The following PTPRD variants were observed in gnomAD, a reference collection of about 807,000 sequenced individuals.
PTPRD encodes the protein protein tyrosine phosphatase receptor type D.
In PTPRD, 34 loss-of-function variants were observed where a neutral mutation model predicts 214.5. The observed-to-expected ratio is 0.16, with a 90% CI of 0.12 to 0.21. The LOEUF (loss-of-function observed/expected upper bound fraction) is 0.21. Ranked by LOEUF, PTPRD falls within the 10% of genes least tolerant of loss-of-function variation. The probability of loss-of-function intolerance (pLI) is 1.00; values close to 1 mark genes in which losing one functional copy is unlikely to be tolerated. For synonymous variants in PTPRD, 1,128 were observed against 845.7 expected (o/e 1.33, Z -5.79); for missense variants, 2,545 against 2,398.7 (o/e 1.06, Z -1.27).
At chr9:10,128,519 G>C (rs916425814) in intron 3 of PTPRD, among the ~76,000 whole-genome samples, 1 of 152,138 alleles carries the variant, frequency 6.6e-6, no homozygotes, top group Non-Finnish European at 1.5e-5. Context: ...ATGGCCCTTA[G>C]AAGAAGCCAA....
intron 2 of PTPRD, among the ~76,000 whole-genome samples, chr9:10,355,392 A>G (rs2097257867): frequency 6.6e-6 from 1 of 152,006 alleles, no homozygotes; most frequent in South Asian, 2.1e-4. Context: ...AACATATTGC[A>G]CCATGGAATG....
chr9:10,070,952 A>G (rs1345253685), intron 3 of PTPRD, among the ~76,000 whole-genome samples: 3 of 152,068 alleles, frequency 2.0e-5, no homozygotes, highest in Non-Finnish European at 2.9e-5. Context: ...TAATTAGGGA[A>G]ACATCAACTT....
intron 11 of PTPRD, among the ~76,000 whole-genome samples, chr9:8,755,598 A>C (rs1200182597): frequency 1.3e-5 from 2 of 152,196 alleles, no homozygotes; most frequent in Non-Finnish European, 2.9e-5. Flanking sequence ...AGAGTGAATA[A>C]ATAAATTGTG....
At chr9:9,749,444 G>A (rs745722889) in intron 6 of PTPRD, among the ~76,000 whole-genome samples, 1 of 152,084 alleles carries the variant, frequency 6.6e-6, no homozygotes, top group Non-Finnish European at 1.5e-5. Flanking sequence ...GCTCAGGAGG[G>A]GAAGAACAGG....
intron 7 of PTPRD, among the ~76,000 whole-genome samples, chr9:9,615,137 T>G (rs1036403768): frequency 6.6e-6 from 1 of 152,156 alleles, no homozygotes; most frequent in Non-Finnish European, 1.5e-5. Context: ...TGCCTTGACC[T>G]GGCAATATTT....
At chr9:10,325,544 C>G (rs934107575) in intron 3 of PTPRD, among the ~76,000 whole-genome samples, 2 of 151,880 alleles carry the variant, frequency 1.3e-5, no homozygotes, top group Non-Finnish European at 2.9e-5. Context: ...TTGCAAACTG[C>G]TAAACAATAT....
intron 6 of PTPRD, among the ~76,000 whole-genome samples, chr9:9,735,013 G>A (rs2154445213): frequency 6.6e-6 from 1 of 152,148 alleles, no homozygotes; most frequent in South Asian, 2.1e-4. Flanking sequence ...ACAATAATTA[G>A]TTCTGGCTTT....
intron 2 of PTPRD, among the ~76,000 whole-genome samples, chr9:10,418,788 A>G (rs1445760655): frequency 6.6e-6 from 1 of 151,916 alleles, no homozygotes; most frequent in Non-Finnish European, 1.5e-5. Flanking sequence ...GGAAATTATT[A>G]TTATAGGTGA....
At chr9:10,391,307 A>G (rs1230342416) in intron 2 of PTPRD, among the ~76,000 whole-genome samples, 1 of 151,792 alleles carries the variant, frequency 6.6e-6, no homozygotes, top group Non-Finnish European at 1.5e-5. Context: ...TCACATTATT[A>G]TCTACATTAA....
At chr9:9,564,117 T>G (rs1215553989) in intron 8 of PTPRD, among the ~76,000 whole-genome samples, 2 of 152,124 alleles carry the variant, frequency 1.3e-5, no homozygotes, top group African/African-American at 2.4e-5. Context: ...AAGAGTGTAT[T>G]TAATGAGTAT....
At chr9:9,601,398 G>T (rs1026597611) in intron 7 of PTPRD, among the ~76,000 whole-genome samples, 1 of 151,824 alleles carries the variant, frequency 6.6e-6, no homozygotes, top group Admixed American at 6.6e-5. Flanking sequence ...CTGTTACAGG[G>T]AAAATTACAA....
At chr9:9,588,509 T>C (rs1283226672) in intron 7 of PTPRD, among the ~76,000 whole-genome samples, 1 of 151,950 alleles carries the variant, frequency 6.6e-6, no homozygotes, top group Non-Finnish European at 1.5e-5. Context: ...GGAGGGGATT[T>C]TCTATAATAT....
At chr9:8,979,971 T>C (rs2099300499) in intron 11 of PTPRD, among the ~76,000 whole-genome samples, 1 of 152,006 alleles carries the variant, frequency 6.6e-6, no homozygotes, top group Admixed American at 6.6e-5. Flanking sequence ...TAAATGTCTG[T>C]AGATGAGCAA....
chr9:9,536,778 C>T (rs1237839065), intron 8 of PTPRD, among the ~76,000 whole-genome samples: 3 of 152,038 alleles, frequency 2.0e-5, no homozygotes, highest in African/African-American at 4.8e-5. Flanking sequence ...AAGACTTAAA[C>T]GAAAAGCCCC....
At chr9:9,235,801 C>T (rs889282389) in intron 9 of PTPRD, among the ~76,000 whole-genome samples, 2 of 152,112 alleles carry the variant, frequency 1.3e-5, no homozygotes, top group Non-Finnish European at 2.9e-5. Context: ...TTCAGATTAA[C>T]ATGAAAAAAT....
At chr9:8,484,039 C>T (rs16928002) in intron 30 of PTPRD, 80 bp downstream of exon 30, 132,697 of 1,507,290 alleles carry the variant, frequency 0.088, 6,860 homozygotes, top group African/African-American at 0.22. Flanking sequence ...TCTTCTTTTA[C>T]GACCTCTATA....
At chr9:10,059,829 G>T (rs1302733945) in intron 3 of PTPRD, among the ~76,000 whole-genome samples, 1 of 150,680 alleles carries the variant, frequency 6.6e-6, no homozygotes, top group African/African-American at 2.4e-5. Flanking sequence ...TTAAGAGTAT[G>T]GAAAATAAGG....
At chr9:9,846,166 A>G (rs2059490353) in intron 5 of PTPRD, among the ~76,000 whole-genome samples, 2 of 152,058 alleles carry the variant, frequency 1.3e-5, no homozygotes, top group South Asian at 4.1e-4. Flanking sequence ...AAGATATTTT[A>G]TTTCTCCATT....
intron 11 of PTPRD, among the ~76,000 whole-genome samples, chr9:8,991,522 C>T (rs2099366685): frequency 1.3e-5 from 2 of 152,018 alleles, no homozygotes; most frequent in Non-Finnish European, 2.9e-5. Flanking sequence ...ACCCTCAGTC[C>T]TGTATGAAGG....
Sources: gnomAD v4.1 joint callset for allele counts (sites outside exome capture counted in the v4.1 genomes callset) on GRCh38, gnomAD v4.1.1 for gene constraint, MANE v1.5 for transcripts, NCBI Gene and HGNC (gene_info 2026-07-23, HGNC 2026-07-21) for gene names.